The following PDE3B variants were observed in gnomAD, a reference collection of about 807,000 sequenced individuals.
PDE3B encodes the protein cGMP-inhibited 3',5'-cyclic phosphodiesterase 3B.
A neutral mutation model predicts 116.8 loss-of-function variants in PDE3B; 66 were observed. That is an observed-to-expected ratio of 0.56 (90% confidence interval 0.46 to 0.69). The LOEUF (loss-of-function observed/expected upper bound fraction) is 0.69, where lower values mean the gene tolerates loss of function less well. Ranked by LOEUF, PDE3B falls within the 30% of genes least tolerant of loss-of-function variation. PDE3B has a pLI of 0.00. For missense variants in PDE3B, 1,384 were observed against 1,368.1 expected (o/e 1.01, Z -0.18); for synonymous variants, 595 against 533.6 (o/e 1.12, Z -1.59).
chr11:14,709,002 T>C (rs577743652), intron 1 of PDE3B, among the ~76,000 whole-genome samples: 3 of 152,290 alleles, frequency 2.0e-5, no homozygotes, highest in South Asian at 4.1e-4. Flanking sequence ...TATATCTCAT[T>C]GTCAGAAATA....
intron 1 of PDE3B, among the ~76,000 whole-genome samples, chr11:14,658,368 T>C (rs899832399): frequency 6.6e-6 from 1 of 152,232 alleles, no homozygotes; most frequent in Non-Finnish European, 1.5e-5. Context: ...CCTTTCTTTT[T>C]TTTTTGAGAT....
At chr11:14,715,664 C>T (rs1304641568) in intron 1 of PDE3B, among the ~76,000 whole-genome samples, 4 of 152,144 alleles carry the variant, frequency 2.6e-5, no homozygotes, top group Non-Finnish European at 4.4e-5. Context: ...TGGGCTGAGA[C>T]GATGGGGTTT....
At chr11:14,862,610 GTTGCCCAGGCTGTAGTGCAGT>G (rs2133992303) in intron 14 of PDE3B, among the ~76,000 whole-genome samples, 2 of 152,276 alleles carry the variant, frequency 1.3e-5, no homozygotes, top group South Asian at 4.2e-4. Context: ...GGCTTTCTCT[GTTGCCCAGGCTGTAGTGCAGT>G]GGCGCGATCT....
At chr11:14,846,913 C>G (rs1282953801) in intron 12 of PDE3B, among the ~76,000 whole-genome samples, 2 of 152,194 alleles carry the variant, frequency 1.3e-5, no homozygotes. Flanking sequence ...ACCCCACTGT[C>G]AACATTAGAC....
At chr11:14,748,585 T>C (rs1856975791) in intron 1 of PDE3B, among the ~76,000 whole-genome samples, 1 of 152,196 alleles carries the variant, frequency 6.6e-6, no homozygotes, top group Non-Finnish European at 1.5e-5. Flanking sequence ...ACACAAACCT[T>C]ATACAATTAT....
intron 1 of PDE3B, among the ~76,000 whole-genome samples, chr11:14,737,016 A>G (rs1168571884): frequency 6.6e-6 from 1 of 152,212 alleles, no homozygotes; most frequent in Non-Finnish European, 1.5e-5. Context: ...AATTTGCTTC[A>G]TCTATCTGGG....
chr11:14,755,717 A>T (rs1857164252), intron 1 of PDE3B, among the ~76,000 whole-genome samples: 1 of 152,208 alleles, frequency 6.6e-6, no homozygotes, highest in Non-Finnish European at 1.5e-5. Flanking sequence ...TATTCACATT[A>T]TTATATTTTG....
chr11:14,683,662 A>G (rs967829664), intron 1 of PDE3B, among the ~76,000 whole-genome samples: 6 of 148,372 alleles, frequency 4.0e-5, no homozygotes, highest in Non-Finnish European at 7.5e-5. Flanking sequence ...TTCTGTTATC[A>G]CTCTTATTGA....
the PDE3B span, chr11:14,879,462 T>A: frequency 6.4e-7 from 1 of 1,572,482 alleles, no homozygotes; most frequent in Non-Finnish European, 8.6e-7. Flanking sequence ...GAAAAAGTAT[T>A]CAAGTTATTA....
Position 14,871,464 on chromosome 11 carries a change from C to T in PDE3B, c.*1804C>T, listed in dbSNP as rs1364032019. ...TGTATTTCTGCTATTATTTCCTCTC[C>T]TGCAGAATACATACAAGTGTATGTG... On this transcript the variant is annotated 3_prime_UTR_variant, in exon 16 of 16. Transcript: ENST00000282096. The T allele has an allele frequency of 6.6e-6, 1 of 152,050 alleles. No individual in the cohort carries two copies. The highest frequency in any genetic ancestry group is 1.9e-4 in the East Asian group (1 of 5,198). 9.4% of individuals were successfully genotyped at this position (152,050 alleles called of 1,614,324 possible).
At position 14,644,124 on chromosome 11, in the gene PDE3B, C is replaced by T; in HGVS notation, c.49C>T (p.Pro17Ser). 1 of 1,581,456 alleles carries T rather than the reference C, an allele frequency of 6.3e-7. No individual in the cohort carries two copies. Among genetic ancestry groups the T allele is most frequent in the Non-Finnish European group, 8.5e-7 (1 of 1,172,816 alleles). ...CAAAGCCATGCGGTCCCTGCAGCCG[C>T]CGGATGGGGCCGGCTCGCCCCCCGA... Reference protein sequence around the residue: ...DAKAMRSLQPPDGAGSPPESL... With the variant: ...DAKAMRSLQPSDGAGSPPESL... The change falls in exon 1 of 16, where the codon CCG becomes TCG. Residue 17 changes from proline (P) to serine (S), a missense_variant. Physicochemically the swap from Pro to Ser is moderately conservative, Grantham distance 74. Around this residue, in one of 2 missense-constraint regions of PDE3B, gnomAD observed 956 missense variants for 806.8 expected, o/e 1.18. Transcript: ENST00000282096.
intron 5 of PDE3B, among the ~76,000 whole-genome samples, chr11:14,810,180 A>G (rs182933007): frequency 9.5e-4 from 144 of 152,196 alleles, no homozygotes; most frequent in African/African-American, 3.2e-3. Context: ...TTTATTTATT[A>G]TTATACTTTA....
chr11:14,822,314 A>G (rs1047796726), intron 7 of PDE3B, among the ~76,000 whole-genome samples: 5 of 152,220 alleles, frequency 3.3e-5, no homozygotes, highest in Non-Finnish European at 7.3e-5. Context: ...GCTGGCCAAA[A>G]TGGCCAACTA....
intron 2 of PDE3B, chr11:14,776,693 AC>A (rs1306174642): frequency 7.2e-5 from 11 of 151,774 alleles, no homozygotes; most frequent in Middle Eastern, 3.4e-3. Flanking sequence ...ATTCAGACAC[AC>A]CTAAATGATT....
intron 5 of PDE3B, among the ~76,000 whole-genome samples, chr11:14,806,780 AC>A (rs1277107501): frequency 6.9e-6 from 1 of 145,148 alleles, no homozygotes; most frequent in Admixed American, 7.1e-5. Flanking sequence ...AATGGCATGA[AC>A]CCGGGAGGCG....
Position 14,818,192 on chromosome 11 carries a change from C to T in PDE3B, c.1532C>T (p.Ser511Phe), listed in dbSNP as rs746127781. 1.9e-6 allele frequency: 3 copies of T among 1,607,000 alleles called. No individual in the cohort carries two copies. The highest frequency in any genetic ancestry group is 4.5e-5 in the East Asian group (2 of 44,828). The change falls in exon 6 of 16, where the codon TCC becomes TTC. Residue 511 changes from serine to phenylalanine, a missense_variant. By Grantham distance (155) the Ser-to-Phe change is radical. Around this residue, in one of 2 missense-constraint regions of PDE3B, gnomAD observed 956 missense variants for 806.8 expected, o/e 1.18. Coordinates refer to ENST00000282096, the MANE Select transcript of PDE3B (RefSeq NM_000922.4). ...HVGLRRAGVL[S>F]SLSPVNSSNH... ...CTTTTAATTTTTAAAGGTGTTTTGT[C>T]CAGTCTGAGTCCTGTGAATTCTTCC... is the stretch of plus-strand genomic sequence containing the variant.
intron 1 of PDE3B, among the ~76,000 whole-genome samples, chr11:14,726,483 A>G (rs536874706): frequency 6.6e-6 from 1 of 152,308 alleles, no homozygotes; most frequent in South Asian, 2.1e-4. Context: ...TTTAGTAGTC[A>G]ATAGCATATA....
intron 1 of PDE3B, among the ~76,000 whole-genome samples, chr11:14,722,872 TA>T (rs1462960032): frequency 4.1e-4 from 63 of 152,360 alleles, no homozygotes; most frequent in Admixed American, 1.1e-3. Context: ...TATGTTATGA[TA>T]TTTTTTTTAG....
intron 1 of PDE3B, among the ~76,000 whole-genome samples, chr11:14,696,056 C>T (rs923040116): frequency 3.3e-5 from 5 of 151,962 alleles, no homozygotes; most frequent in South Asian, 2.1e-4. Flanking sequence ...ATGGTATTTC[C>T]GGTTCTAAAT....
Sources: allele counts gnomAD v4.1 joint callset (sites outside exome capture counted in the v4.1 genomes callset), GRCh38; gene constraint gnomAD v4.1.1; regional missense constraint gnomAD v4.1.1; transcripts MANE v1.5; gene names NCBI Gene and HGNC (gene_info 2026-07-23, HGNC 2026-07-21).